The following CNBD1 variants were observed in gnomAD, a reference collection of about 807,000 sequenced individuals.
The protein encoded by CNBD1 is cyclic nucleotide binding domain containing 1, also known as cyclic nucleotide-binding domain-containing protein 1.
A neutral mutation model predicts 54.4 loss-of-function variants in CNBD1; 71 were observed. The ratio of observed to expected loss-of-function variants is 1.30; its 90% confidence interval spans 1.08 to 1.59. CNBD1 has a LOEUF of 1.59. Among genes scored for constraint, CNBD1 ranks in the 40% most tolerant of loss-of-function variants. CNBD1 has a pLI of 0.00. For missense variants in CNBD1, 659 were observed against 518.0 expected, an observed-to-expected ratio of 1.27 and a Z score of -2.64; for synonymous variants, 182 against 170.7, an observed-to-expected ratio of 1.07 and a Z score of -0.51.
At chr8:87,332,063 T>G (rs1809845542) in intron 8 of CNBD1, among the ~76,000 whole-genome samples, 1 of 152,108 alleles carries the variant, frequency 6.6e-6, no homozygotes, top group African/African-American at 2.4e-5. Context: ...CTCTTTAGTT[T>G]AAGGCTGGGC....
At chr8:87,353,519 A>G in intron 9 of CNBD1, 117 bp from the exon 10 acceptor site, 1 of 643,278 alleles carries the variant, frequency 1.6e-6, no homozygotes, top group South Asian at 2.6e-5. Flanking sequence ...ACAATTGCTA[A>G]TTTATTTTAA....
chr8:87,121,133 A>T (rs1262342698), intron 4 of CNBD1, among the ~76,000 whole-genome samples: 2 of 151,820 alleles, frequency 1.3e-5, no homozygotes, highest in African/African-American at 4.8e-5. Context: ...TTTCTTTCAG[A>T]TATTATAGTA....
intron 4 of CNBD1, among the ~76,000 whole-genome samples, chr8:87,031,974 C>T (rs1243334136): frequency 6.6e-6 from 1 of 152,162 alleles, no homozygotes; most frequent in East Asian, 1.9e-4. Context: ...CTTCTGAAGT[C>T]AGGTGATCCT....
intron 6 of CNBD1, among the ~76,000 whole-genome samples, chr8:87,244,521 A>G (rs761397776): frequency 6.6e-6 from 1 of 152,156 alleles, no homozygotes; most frequent in South Asian, 2.1e-4. Context: ...GTTTAACAAT[A>G]TCGTCCTCCT....
intron 10 of CNBD1, among the ~76,000 whole-genome samples, chr8:87,361,045 A>G (rs1445047336): frequency 6.6e-6 from 1 of 151,948 alleles, no homozygotes; most frequent in Admixed American, 6.6e-5. Flanking sequence ...CAAAACTAAT[A>G]AAAAGGATTT....
chr8:86,994,335 C>T (rs1808821845), intron 4 of CNBD1, among the ~76,000 whole-genome samples: 1 of 152,192 alleles, frequency 6.6e-6, no homozygotes, highest in African/African-American at 2.4e-5. Context: ...CACAAAAGGC[C>T]CTGGTAGGGA....
intron 10 of CNBD1, among the ~76,000 whole-genome samples, chr8:87,370,691 G>A (rs1425354425): frequency 6.6e-6 from 1 of 150,800 alleles, no homozygotes; most frequent in Non-Finnish European, 1.5e-5. Flanking sequence ...TGTTCACTCT[G>A]ATGGTAGTTT....
At chr8:86,985,315 G>A (rs1218995436) in intron 4 of CNBD1, among the ~76,000 whole-genome samples, 2 of 152,044 alleles carry the variant, frequency 1.3e-5, no homozygotes, top group Admixed American at 1.3e-4. Context: ...ATACATTAAG[G>A]TTTGGGTTAT....
chr8:86,947,551 A>C lies in CNBD1; in HGVS notation c.431+7797A>C, dbSNP rs139867339. Among the ~76,000 whole-genome samples, 222 of 152,160 alleles carry C rather than the reference A, an allele frequency of 1.5e-3. 1 individual carries two copies. The highest frequency in any genetic ancestry group is 5.2e-3 in the African/African-American group (216 of 41,544). On this transcript the variant is annotated intron_variant, in intron 4 of 10. Coordinates refer to ENST00000518476, the MANE Select transcript of CNBD1 (RefSeq NM_173538.3). ...CCCTGGAGCATTCATGCTCAATTTC[A>C]TTTTTTTGTAAACTGATAATATTAC...
At chr8:87,080,507 G>A (rs774057193) in intron 4 of CNBD1, among the ~76,000 whole-genome samples, 2 of 151,644 alleles carry the variant, frequency 1.3e-5, no homozygotes, top group Non-Finnish European at 2.9e-5. Flanking sequence ...GGAGGTGGAG[G>A]TTGCAGTGAG....
chr8:87,320,847 C>A (rs902464318), intron 8 of CNBD1, among the ~76,000 whole-genome samples: 2 of 152,196 alleles, frequency 1.3e-5, no homozygotes, highest in South Asian at 4.1e-4. Context: ...ATTTTATATT[C>A]ATTGCACAGC....
In CNBD1 at chr8:86,955,578, G is replaced by T. The variant is rs565241279; in HGVS notation, c.431+15824G>T. Among the ~76,000 whole-genome samples the T allele has an allele frequency of 2.0e-5, 3 of 152,294 alleles. 1 individual carries two copies. The South Asian group carries it at 6.2e-4, about 32-fold the overall frequency. ...TGGTTTTGATTTGCATTTCTCTAAT[G>T]GCCAGTGATGATGAGCAGTTTTTCA... On this transcript the variant is annotated intron_variant, in intron 4 of 10. Coordinates refer to ENST00000518476, the MANE Select transcript of CNBD1 (RefSeq NM_173538.3).
chr8:87,099,065 A>AAAAAAAC (rs978372704), intron 4 of CNBD1, among the ~76,000 whole-genome samples: 1 of 143,984 alleles, frequency 6.9e-6, no homozygotes, highest in African/African-American at 2.8e-5. Context: ...AAAAAACAAA[A>AAAAAAAC]CTCCAAATTT....
intron 6 of CNBD1, among the ~76,000 whole-genome samples, chr8:87,260,970 G>T (rs1046752005): frequency 6.6e-6 from 1 of 151,902 alleles, no homozygotes; most frequent in Non-Finnish European, 1.5e-5. Flanking sequence ...AAGCATGCAA[G>T]AAAAATGACA....
At chr8:87,226,682 A>G (rs1033306310) in intron 5 of CNBD1, among the ~76,000 whole-genome samples, 10 of 151,990 alleles carry the variant, frequency 6.6e-5, no homozygotes, top group Non-Finnish European at 1.0e-4. Context: ...ATTTTGGAAT[A>G]GGTGTGGTGT....
chr8:87,320,738 C>T (rs776149512), intron 8 of CNBD1, among the ~76,000 whole-genome samples: 41 of 152,090 alleles, frequency 2.7e-4, no homozygotes, highest in Admixed American at 1.5e-3. Flanking sequence ...AACATGAGAC[C>T]TATCCTAACA....
At chr8:87,326,394 A>C (rs1314134512) in intron 8 of CNBD1, among the ~76,000 whole-genome samples, 1 of 125,918 alleles carries the variant, frequency 7.9e-6, no homozygotes, top group African/African-American at 2.9e-5. Flanking sequence ...TATCCTGTAG[A>C]GTGTTTTCCA....
chr8:87,112,655 T>C (rs1355680445), intron 4 of CNBD1, among the ~76,000 whole-genome samples: 2 of 152,178 alleles, frequency 1.3e-5, no homozygotes, highest in Non-Finnish European at 2.9e-5. Flanking sequence ...TGATAACACA[T>C]ACACTGGTGC....
intron 4 of CNBD1, among the ~76,000 whole-genome samples, chr8:87,202,313 A>G (rs1195384493): frequency 6.6e-6 from 1 of 152,200 alleles, no homozygotes; most frequent in Non-Finnish European, 1.5e-5. Flanking sequence ...GATAGAAAAC[A>G]TACAATACAA....
Sources: allele counts gnomAD v4.1 joint callset (sites outside exome capture counted in the v4.1 genomes callset), GRCh38; gene constraint gnomAD v4.1.1; transcripts MANE v1.5; gene names NCBI Gene and HGNC (gene_info 2026-07-23, HGNC 2026-07-21).